The following FBXL17 variants were observed in gnomAD, a reference collection of about 807,000 sequenced individuals.
FBXL17 encodes F-box and leucine rich repeat protein 17, also known as F-box/LRR-repeat protein 17.
A neutral mutation model predicts 66.2 loss-of-function variants in FBXL17; 22 were observed. The observed-to-expected ratio is 0.33, with a 90% CI of 0.24 to 0.47. The LOEUF (loss-of-function observed/expected upper bound fraction) is 0.47, where lower values mean the gene tolerates loss of function less well. FBXL17 is among the 20% of genes least tolerant of loss of function. The pLI, the probability that FBXL17 is intolerant of heterozygous loss-of-function variation, is 1.00. For missense variants in FBXL17, 878 were observed against 948.2 expected (o/e 0.93, Z 0.97); for synonymous variants, 474 against 400.5 (o/e 1.18, Z -2.19).
chr5:108,055,475 G>T (rs927213958), intron 6 of FBXL17, among the ~76,000 whole-genome samples: 1 of 150,924 alleles, frequency 6.6e-6, no homozygotes, highest in East Asian at 1.9e-4. Context: ...TGGGTATGGT[G>T]GTGGGCGCCT....
intron 1 of FBXL17, among the ~76,000 whole-genome samples, chr5:108,376,163 T>G (rs1749407434): frequency 6.6e-6 from 1 of 152,194 alleles, no homozygotes; most frequent in Non-Finnish European, 1.5e-5. Context: ...TAACCCCTAG[T>G]TATCATTATA....
chr5:107,900,812 C>A (rs528714969), intron 7 of FBXL17, among the ~76,000 whole-genome samples: 23 of 152,026 alleles, frequency 1.5e-4, no homozygotes, highest in Non-Finnish European at 3.4e-4. Flanking sequence ...TTAAAGCGAA[C>A]CCTATAAAAG....
intron 6 of FBXL17, among the ~76,000 whole-genome samples, chr5:108,177,911 G>GTGTATATATATA (rs1752852306): frequency 8.7e-6 from 1 of 115,264 alleles, no homozygotes. Context: ...AAAAAAAAAT[G>GTGTATATATATA]TATATATATA....
At chr5:108,011,688 G>A (rs186385849) in intron 7 of FBXL17, among the ~76,000 whole-genome samples, 1 of 152,296 alleles carries the variant, frequency 6.6e-6, no homozygotes, top group Admixed American at 6.5e-5. Flanking sequence ...GCCGGTCATG[G>A]TGGTACGTGC....
chr5:108,212,291 G>T (rs979382465), intron 5 of FBXL17, among the ~76,000 whole-genome samples: 1 of 152,086 alleles, frequency 6.6e-6, no homozygotes, highest in Non-Finnish European at 1.5e-5. Flanking sequence ...CCTTTAGCTC[G>T]GAAGAGTTTG....
chr5:108,009,582 T>C (rs1023195875), intron 7 of FBXL17, among the ~76,000 whole-genome samples: 52 of 151,934 alleles, frequency 3.4e-4, no homozygotes, highest in Middle Eastern at 6.8e-3. Flanking sequence ...AGTATTTATT[T>C]AATGTCATGC....
chr5:107,898,365 CCT>C (rs567034016), intron 7 of FBXL17, among the ~76,000 whole-genome samples: 150 of 152,178 alleles, frequency 9.9e-4, no homozygotes, highest in African/African-American at 3.5e-3. Context: ...CTCTGCCACC[CCT>C]GAGACAGAAA....
intron 6 of FBXL17, among the ~76,000 whole-genome samples, chr5:108,121,150 A>G (rs1157031856): frequency 2.0e-5 from 3 of 152,134 alleles, no homozygotes; most frequent in Non-Finnish European, 4.4e-5. Flanking sequence ...CAACATGGTG[A>G]AATCCTGTCT....
At chr5:108,001,826 T>C (rs564457344) in intron 7 of FBXL17, among the ~76,000 whole-genome samples, 1 of 146,098 alleles carries the variant, frequency 6.8e-6, no homozygotes, top group Non-Finnish European at 1.5e-5. Context: ...AAGGTTAGTT[T>C]CCGACATCTC....
intron 7 of FBXL17, among the ~76,000 whole-genome samples, chr5:107,998,336 G>T (rs116664699): frequency 0.024 from 3,715 of 152,122 alleles, 145 homozygotes; most frequent in African/African-American, 0.079. Flanking sequence ...GACATTTTAG[G>T]CAAGTGACAA....
At chr5:108,063,836 GA>G (rs1748014326) in intron 6 of FBXL17, among the ~76,000 whole-genome samples, 1 of 151,122 alleles carries the variant, frequency 6.6e-6, no homozygotes, top group African/African-American at 2.4e-5. Flanking sequence ...TTTCTTGGAT[GA>G]AAAAAACAAC....
At chr5:108,295,284 T>G (rs1758299027) in intron 4 of FBXL17, among the ~76,000 whole-genome samples, 1 of 151,790 alleles carries the variant, frequency 6.6e-6, no homozygotes, top group South Asian at 2.1e-4. Context: ...TTTCCAAATT[T>G]TGAAATATAG....
chr5:107,902,896 T>A (rs1749621986), intron 7 of FBXL17, among the ~76,000 whole-genome samples: 1 of 152,086 alleles, frequency 6.6e-6, no homozygotes, highest in Non-Finnish European at 1.5e-5. Context: ...TCCAGACAAT[T>A]GAAATTTTAC....
chr5:108,005,259 G>A (rs1753881577), intron 7 of FBXL17, among the ~76,000 whole-genome samples: 3 of 152,072 alleles, frequency 2.0e-5, no homozygotes, highest in South Asian at 2.1e-4. Flanking sequence ...ATGTCTGGAC[G>A]ATACGTAAAG....
chr5:108,341,082 T>A (rs1746851942), intron 4 of FBXL17, among the ~76,000 whole-genome samples: 1 of 152,134 alleles, frequency 6.6e-6, no homozygotes, highest in Non-Finnish European at 1.5e-5. Context: ...CCTCTGATAG[T>A]AAAACAGTAG....
At chr5:108,044,982 T>C (rs1251006703) in intron 6 of FBXL17, among the ~76,000 whole-genome samples, 1 of 152,212 alleles carries the variant, frequency 6.6e-6, no homozygotes, top group Admixed American at 6.5e-5. Context: ...TCGGTAGTAA[T>C]ATCTCGTTTC....
At chr5:108,377,355 A>C (rs10077527) in intron 1 of FBXL17, among the ~76,000 whole-genome samples, 38,253 of 152,188 alleles carry the variant, frequency 0.25, 5,178 homozygotes, top group Middle Eastern at 0.33. Flanking sequence ...CCCAACTGGC[A>C]CTACAACCTT....
intron 4 of FBXL17, among the ~76,000 whole-genome samples, chr5:108,306,580 C>A (rs1758853296): frequency 6.6e-6 from 1 of 152,012 alleles, no homozygotes; most frequent in Admixed American, 6.6e-5. Flanking sequence ...TTAAAAGGAT[C>A]AGGTTCAAAT....
At chr5:107,875,660 A>G (rs1261415214) in intron 8 of FBXL17, among the ~76,000 whole-genome samples, 1 of 152,182 alleles carries the variant, frequency 6.6e-6, no homozygotes, top group Non-Finnish European at 1.5e-5. Flanking sequence ...AAAATGTGGA[A>G]CTCCATGTGA....
Sources: allele counts gnomAD v4.1 joint callset (sites outside exome capture counted in the v4.1 genomes callset), GRCh38; gene constraint gnomAD v4.1.1; transcripts MANE v1.5; gene names NCBI Gene and HGNC (gene_info 2026-07-23, HGNC 2026-07-21).